ZNF722: variants seen among roughly 807,000 people sequenced by gnomAD.
ZNF722 encodes the protein zinc finger protein 722, also known as zinc finger protein 479 pseudogene.
the ZNF722 span, chr7:64,005,549 G>T: frequency 1.4e-6 from 1 of 733,156 alleles, no homozygotes. Context: ...ACAAATCTCT[G>T]CCTATGGCCA....
At chr7:64,017,929 A>C in the ZNF722 span, among the ~76,000 whole-genome samples, 1 of 152,214 alleles carries the variant, frequency 6.6e-6, no homozygotes, top group Non-Finnish European at 1.5e-5. Flanking sequence ...CAGATTACTT[A>C]ATGTTGATTC....
the ZNF722 span, chr7:64,006,468 T>A: frequency 1.1e-5 from 6 of 544,776 alleles, no homozygotes; most frequent in Non-Finnish European, 1.9e-5. Flanking sequence ...TGCTCTCACA[T>A]AGGGACACCT....
chr7:64,003,507 G>C, the ZNF722 span, among the ~76,000 whole-genome samples: 31 of 152,118 alleles, frequency 2.0e-4, no homozygotes, highest in African/African-American at 6.7e-4. Flanking sequence ...ACTTTTTCTT[G>C]GTGAACATGT....
chr7:64,008,983 G>A, the ZNF722 span, among the ~76,000 whole-genome samples: 1 of 152,078 alleles, frequency 6.6e-6, no homozygotes, highest in African/African-American at 2.4e-5. Flanking sequence ...TGGATTCCTA[G>A]GTATTTTATT....
chr7:64,014,275 A>G, the ZNF722 span, among the ~76,000 whole-genome samples: 2 of 151,574 alleles, frequency 1.3e-5, no homozygotes, highest in Admixed American at 6.6e-5. Context: ...CTGGTTTTCC[A>G]TTTTTCTCAT....
At chr7:64,017,765 G>A in the ZNF722 span, among the ~76,000 whole-genome samples, 1 of 152,174 alleles carries the variant, frequency 6.6e-6, no homozygotes, top group African/African-American at 2.4e-5. Flanking sequence ...CTAAATCAGA[G>A]TGTTGAATGT....
the ZNF722 span, chr7:64,014,905 G>T: frequency 1.3e-6 from 1 of 754,114 alleles, no homozygotes; most frequent in Non-Finnish European, 2.1e-6. Flanking sequence ...AGGAATTATG[G>T]CCTGTGGTAA....
At chr7:64,005,811 C>T in the ZNF722 span, 2 of 1,310,912 alleles carry the variant, frequency 1.5e-6, no homozygotes, top group East Asian at 2.4e-5. Flanking sequence ...TTGGTAATTT[C>T]TGCTTTGCAT....
At chr7:64,017,826 T>C in the ZNF722 span, among the ~76,000 whole-genome samples, 324 of 152,362 alleles carry the variant, frequency 2.1e-3, 3 homozygotes, top group East Asian at 0.022. Flanking sequence ...GTAGTTTTTT[T>C]TGGAGATTTA....
the ZNF722 span, among the ~76,000 whole-genome samples, chr7:64,008,463 G>C: frequency 6.6e-6 from 1 of 152,096 alleles, no homozygotes; most frequent in East Asian, 1.9e-4. Context: ...TCTACATATG[G>C]CTAGCCAGTT....
chr7:64,010,852 T>C, the ZNF722 span, among the ~76,000 whole-genome samples: 4 of 152,144 alleles, frequency 2.6e-5, no homozygotes, highest in African/African-American at 9.7e-5. Context: ...GGTGTTAAAG[T>C]CTCCCGATAT....
At chr7:64,005,735 C>T in the ZNF722 span, 1 of 1,561,606 alleles carries the variant, frequency 6.4e-7, no homozygotes, top group Non-Finnish European at 8.7e-7. Flanking sequence ...CCTGGTCTCC[C>T]TGGGTGAGGA....
the ZNF722 span, among the ~76,000 whole-genome samples, chr7:64,001,279 G>T: frequency 2.9e-4 from 44 of 152,216 alleles, 1 homozygote; most frequent in Middle Eastern, 3.4e-3. Context: ...TCTGTCTGTT[G>T]TTCTCTTATC....
At chr7:64,001,777 T>C in the ZNF722 span, among the ~76,000 whole-genome samples, 1 of 152,204 alleles carries the variant, frequency 6.6e-6, no homozygotes, top group Admixed American at 6.5e-5. Context: ...GTTTGACTTT[T>C]TAGTCTAATT....
At chr7:64,000,392 G>A in the ZNF722 span, among the ~76,000 whole-genome samples, 1 of 137,900 alleles carries the variant, frequency 7.3e-6, no homozygotes, top group Admixed American at 7.6e-5. Context: ...GCTTCCCAAA[G>A]TGCTGGGATT....
At chr7:63,999,028 G>T in the ZNF722 span, 2 of 1,572,634 alleles carry the variant, frequency 1.3e-6, no homozygotes, top group Non-Finnish European at 1.8e-6. Flanking sequence ...CATCGTGAGA[G>T]GGGCGGGAGA....
chr7:64,015,603 C>T, the ZNF722 span: 362 of 1,608,810 alleles, frequency 2.3e-4, no homozygotes, highest in Non-Finnish European at 2.7e-4. Flanking sequence ...AGCTTTTAGG[C>T]GCTCCTCAAC....
At chr7:64,001,748 GT>G in the ZNF722 span, among the ~76,000 whole-genome samples, 1 of 151,830 alleles carries the variant, frequency 6.6e-6, no homozygotes, top group African/African-American at 2.4e-5. Context: ...CAAGCATCTG[GT>G]TTTTTGTTTG....
At chr7:64,005,543 A>T in the ZNF722 span, 1 of 707,610 alleles carries the variant, frequency 1.4e-6, no homozygotes, top group East Asian at 2.6e-5. Context: ...TCAAATACAA[A>T]TCTCTGCCTA....
Sources: gnomAD v4.1 joint callset for allele counts (sites outside exome capture counted in the v4.1 genomes callset) on GRCh38, gnomAD v4.1.1 for gene constraint, MANE v1.5 for transcripts, NCBI Gene and HGNC (gene_info 2026-07-23, HGNC 2026-07-21) for gene names.